The following WDPCP variants were observed in gnomAD, a reference collection of about 807,000 sequenced individuals.
WDPCP encodes the protein WD repeat containing planar cell polarity effector.
In WDPCP, 71 loss-of-function variants were observed where a neutral mutation model predicts 93.1. The observed-to-expected ratio is 0.76, with a 90% CI of 0.63 to 0.93. The LOEUF (loss-of-function observed/expected upper bound fraction) is 0.93. Among genes scored for constraint, WDPCP ranks in the 40% least tolerant of loss-of-function variants. The pLI is 0.00. For missense variants in WDPCP, 844 were observed against 887.4 expected, an observed-to-expected ratio of 0.95 and a Z score of 0.62; for synonymous variants, 315 against 315.0, an observed-to-expected ratio of 1.00 and a Z score of 0.00.
intron 2 of WDPCP, among the ~76,000 whole-genome samples, chr2:63,795,528 A>C (rs1451064386): frequency 6.7e-6 from 1 of 150,090 alleles, no homozygotes; most frequent in East Asian, 2.0e-4. Flanking sequence ...AGAAAGAGAG[A>C]AAGAGAAAGA....
intron 2 of WDPCP, among the ~76,000 whole-genome samples, chr2:63,651,752 C>A (rs1047635618): frequency 1.1e-4 from 16 of 152,172 alleles, no homozygotes; most frequent in Admixed American, 1.0e-3. Context: ...ACCTTCACAG[C>A]AACATCTACA....
chr2:63,138,318 A>G (rs1352241030), intron 17 of WDPCP, among the ~76,000 whole-genome samples: 5 of 152,126 alleles, frequency 3.3e-5, no homozygotes, highest in Non-Finnish European at 7.4e-5. Flanking sequence ...TAATGTGTGC[A>G]TGCTCAGCAG....
intron 15 of WDPCP, among the ~76,000 whole-genome samples, chr2:63,158,973 C>CAAAAAAAA (rs34001322): frequency 6.5e-5 from 4 of 61,136 alleles, no homozygotes; most frequent in Non-Finnish European, 8.6e-5. Flanking sequence ...CTCATCTCTA[C>CAAAAAAAA]AAAAAAAAAA....
intron 6 of WDPCP, among the ~76,000 whole-genome samples, chr2:63,482,834 T>G (rs548380997): frequency 5.3e-5 from 8 of 152,004 alleles, no homozygotes; most frequent in African/African-American, 1.4e-4. Context: ...AAGCACAGAA[T>G]ATAACAGAAC....
At chr2:63,558,478 G>A (rs2106396234) in intron 1 of WDPCP, among the ~76,000 whole-genome samples, 1 of 151,318 alleles carries the variant, frequency 6.6e-6, no homozygotes, top group Admixed American at 6.6e-5. Context: ...GCAGTGAGCT[G>A]AGACCGCACC....
chr2:63,130,207 T>C (rs1454513217), intron 17 of WDPCP, among the ~76,000 whole-genome samples: 1 of 152,190 alleles, frequency 6.6e-6, no homozygotes, highest in African/African-American at 2.4e-5. Context: ...AATGCTACAT[T>C]TTCTCCTACG....
At chr2:63,529,496 T>C (rs936973816) in intron 1 of WDPCP, among the ~76,000 whole-genome samples, 22 of 152,242 alleles carry the variant, frequency 1.4e-4, no homozygotes, top group African/African-American at 5.3e-4. Context: ...TCTTTGGTTC[T>C]GTTTATGTGA....
intron 12 of WDPCP, among the ~76,000 whole-genome samples, chr2:63,351,251 G>A (rs1689589700): frequency 6.6e-6 from 1 of 151,996 alleles, no homozygotes; most frequent in African/African-American, 2.4e-5. Context: ...CAAAGTGCTG[G>A]GATTATAGGC....
chr2:63,499,296 T>C (rs1271200795), intron 1 of WDPCP, among the ~76,000 whole-genome samples: 1 of 152,186 alleles, frequency 6.6e-6, no homozygotes, highest in East Asian at 1.9e-4. Context: ...ATGCAAGGCT[T>C]ATTTGAGGAA....
intron 14 of WDPCP, among the ~76,000 whole-genome samples, chr2:63,257,136 C>A (rs1341956489): frequency 6.6e-6 from 1 of 152,126 alleles, no homozygotes; most frequent in Non-Finnish European, 1.5e-5. Context: ...TCCTTTGGCG[C>A]CTCTTGCTTT....
chr2:63,770,060 A>C (rs1300892952), intron 2 of WDPCP, among the ~76,000 whole-genome samples: 1 of 151,970 alleles, frequency 6.6e-6, no homozygotes, highest in Admixed American at 6.6e-5. Context: ...TTCTCAAACT[A>C]CAGTGGAATT....
intron 13 of WDPCP, among the ~76,000 whole-genome samples, chr2:63,273,433 C>A (rs1682813769): frequency 6.6e-6 from 1 of 151,252 alleles, no homozygotes; most frequent in African/African-American, 2.4e-5. Context: ...ACAAAACAAA[C>A]TTAAAACATG....
At chr2:63,172,226 C>A (rs762887387) in intron 15 of WDPCP, among the ~76,000 whole-genome samples, 4 of 152,154 alleles carry the variant, frequency 2.6e-5, no homozygotes, top group Non-Finnish European at 5.9e-5. Context: ...AAAGAAGTAT[C>A]CAGATATGGT....
At chr2:63,152,125 T>C (rs569239492) in intron 17 of WDPCP, among the ~76,000 whole-genome samples, 2 of 152,194 alleles carry the variant, frequency 1.3e-5, no homozygotes, top group African/African-American at 2.4e-5. Flanking sequence ...ATAAAATATA[T>C]TGAATAATTT....
At chr2:63,823,146 T>G (rs772193611) in intron 1 of WDPCP, among the ~76,000 whole-genome samples, 43 of 150,936 alleles carry the variant, frequency 2.8e-4, no homozygotes, top group Admixed American at 5.3e-4. Context: ...CTTTACTGTT[T>G]GTAAATTATA....
intron 15 of WDPCP, among the ~76,000 whole-genome samples, chr2:63,163,088 A>C (rs1400106302): frequency 6.6e-6 from 1 of 152,162 alleles, no homozygotes; most frequent in East Asian, 1.9e-4. Context: ...AGCCACAATA[A>C]AATATAACTT....
At chr2:63,207,097 T>C (rs1052042426) in intron 14 of WDPCP, among the ~76,000 whole-genome samples, 1 of 152,246 alleles carries the variant, frequency 6.6e-6, no homozygotes, top group African/African-American at 2.4e-5. Context: ...TGTGACTGGC[T>C]TCATCAGTTA....
Position 63,687,607 on chromosome 2 carries a change from CA to C in WDPCP, n.309-36770del, listed in dbSNP as rs1421636218. On this transcript the variant is annotated intron_variant and non_coding_transcript_variant, in intron 2 of 4. Coordinates refer to the WDPCP transcript ENST00000467687. ...GGTGCTCAATATCATTCATCATCAG[CA>C]AAATGCAAATCAAAACTATAGTGAG... Among the ~76,000 whole-genome samples the C allele has an allele frequency of 2.6e-5, 4 of 152,154 alleles. No homozygotes were observed. The East Asian group carries it at 7.7e-4, about 29-fold the overall frequency.
At chr2:63,699,573 G>A (rs1669014276) in intron 2 of WDPCP, among the ~76,000 whole-genome samples, 1 of 152,172 alleles carries the variant, frequency 6.6e-6, no homozygotes, top group Non-Finnish European at 1.5e-5. Context: ...GATTTTGACA[G>A]GGAGATATGT....
Sources: allele counts gnomAD v4.1 joint callset (sites outside exome capture counted in the v4.1 genomes callset), GRCh38; gene constraint gnomAD v4.1.1; transcripts MANE v1.5; gene names NCBI Gene and HGNC (gene_info 2026-07-23, HGNC 2026-07-21).